MARCHF3: variants seen among roughly 807,000 people sequenced by gnomAD.
The protein encoded by MARCHF3 is membrane associated ring-CH-type finger 3.
MARCHF3 carries 13 observed loss-of-function variants against 24.2 expected under a neutral mutation model. The observed-to-expected ratio is 0.54, with a 90% CI of 0.35 to 0.85. The LOEUF (loss-of-function observed/expected upper bound fraction) is 0.85. Among genes scored for constraint, MARCHF3 ranks in the 40% least tolerant of loss-of-function variants. The pLI is 0.01. For synonymous variants in MARCHF3, 144 were observed against 137.3 expected, an observed-to-expected ratio of 1.05 and a Z score of -0.34; for missense variants, 276 against 325.0, an observed-to-expected ratio of 0.85 and a Z score of 1.16.
intron 1 of MARCHF3, among the ~76,000 whole-genome samples, chr5:126,933,264 G>T (rs1251196572): frequency 6.6e-6 from 1 of 152,102 alleles, no homozygotes; most frequent in Non-Finnish European, 1.5e-5. Flanking sequence ...CAGTAGCGGA[G>T]AAAATACAAC....
At chr5:126,946,917 A>C (rs1299619035) in intron 1 of MARCHF3, among the ~76,000 whole-genome samples, 1 of 152,140 alleles carries the variant, frequency 6.6e-6, no homozygotes, top group Non-Finnish European at 1.5e-5. Flanking sequence ...CACATGAAGG[A>C]ACTGAGTATG....
At chr5:127,013,249 T>C (rs1936629769) in intron 1 of MARCHF3, among the ~76,000 whole-genome samples, 1 of 152,196 alleles carries the variant, frequency 6.6e-6, no homozygotes, top group African/African-American at 2.4e-5. Context: ...TTACTGCTTT[T>C]GCTATACATT....
At chr5:127,014,984 C>T (rs1752590716) in intron 1 of MARCHF3, among the ~76,000 whole-genome samples, 1 of 152,020 alleles carries the variant, frequency 6.6e-6, no homozygotes, top group African/African-American at 2.4e-5. Context: ...ATTAAATGTT[C>T]CCAACACAAA....
chr5:126,908,163 G>T (rs1231058663), intron 3 of MARCHF3, among the ~76,000 whole-genome samples: 1 of 152,094 alleles, frequency 6.6e-6, no homozygotes, highest in East Asian at 1.9e-4. Flanking sequence ...CCCTCTTCTG[G>T]CTTGTAGAGT....
At chr5:126,984,044 G>A (rs1045831466) in intron 1 of MARCHF3, among the ~76,000 whole-genome samples, 9 of 152,066 alleles carry the variant, frequency 5.9e-5, no homozygotes, top group African/African-American at 2.2e-4. Flanking sequence ...GGACTGGGGT[G>A]GGGGGATATT....
At chr5:127,014,723 T>C (rs949062823) in intron 1 of MARCHF3, among the ~76,000 whole-genome samples, 3 of 152,108 alleles carry the variant, frequency 2.0e-5, no homozygotes, top group Non-Finnish European at 1.5e-5. Context: ...CTAAACACCA[T>C]ATGTTCTCAC....
chr5:126,872,591 T>C (rs1418395190), intron 4 of MARCHF3, among the ~76,000 whole-genome samples: 1 of 152,010 alleles, frequency 6.6e-6, no homozygotes, highest in Non-Finnish European at 1.5e-5. Context: ...AGGTCTATGG[T>C]GGTCAGAAAG....
chr5:126,943,583 CA>C (rs563692073), intron 1 of MARCHF3, among the ~76,000 whole-genome samples: 3,092 of 124,762 alleles, frequency 0.025, 29 homozygotes, highest in Non-Finnish European at 0.035. Context: ...ATCTCATCTC[CA>C]AAAAAAAAAA....
chr5:126,885,909 T>G (rs1753496160), intron 3 of MARCHF3, among the ~76,000 whole-genome samples: 1 of 152,004 alleles, frequency 6.6e-6, no homozygotes, highest in South Asian at 2.1e-4. Context: ...GAACATCTAT[T>G]TTTCCATAGG....
intron 1 of MARCHF3, among the ~76,000 whole-genome samples, chr5:126,920,183 T>G (rs936450547): frequency 1.3e-5 from 2 of 152,206 alleles, no homozygotes; most frequent in Non-Finnish European, 2.9e-5. Flanking sequence ...CTTTTTATTT[T>G]TTTGAAAGGG....
At chr5:126,950,802 A>G (rs1561442903) in intron 1 of MARCHF3, among the ~76,000 whole-genome samples, 1 of 152,174 alleles carries the variant, frequency 6.6e-6, no homozygotes, top group Non-Finnish European at 1.5e-5. Flanking sequence ...TTCTCCCCTT[A>G]CAGCAAATCT....
At chr5:126,981,850 T>C (rs1453778107) in intron 1 of MARCHF3, among the ~76,000 whole-genome samples, 1 of 152,240 alleles carries the variant, frequency 6.6e-6, no homozygotes, top group Non-Finnish European at 1.5e-5. Flanking sequence ...CTGCCAGGCA[T>C]GCTCTTTTTA....
intron 3 of MARCHF3, among the ~76,000 whole-genome samples, chr5:126,894,611 T>G (rs940826963): frequency 6.6e-6 from 1 of 152,022 alleles, no homozygotes; most frequent in African/African-American, 2.4e-5. Flanking sequence ...TGTTGAATAT[T>G]GGCCCCCACT....
chr5:126,942,402 T>A lies in MARCHF3; in HGVS notation c.-56-24175A>T, dbSNP rs1487885375. Among the ~76,000 whole-genome samples the A allele has an allele frequency of 3.3e-5, 5 of 152,172 alleles. No individual in the cohort carries two copies. In the South Asian group the frequency reaches 1.0e-3, roughly 32 times the overall value. ...TTAATAAAACTTAAATTTTGGATAT[T>A]AAAATTCAAATTTCATGTAATTCTT... On this transcript the variant is annotated intron_variant, in intron 1 of 4. Transcript: ENST00000308660.
In MARCHF3 at chr5:126,908,867, C is replaced by A. The variant is rs565934105; in HGVS notation, c.393+6063G>T. Among the ~76,000 whole-genome samples the A allele has an allele frequency of 1.6e-4, 25 of 152,276 alleles. No homozygotes were observed. In the East Asian group the frequency reaches 3.1e-3, roughly 19 times the overall value. On this transcript the variant is annotated intron_variant, in intron 3 of 4. Transcript: ENST00000308660. ...AGCTTTGTTCTGTTGCTGGTGAGGA[C>A]CTGCGTTCCTTTGGAGGAGGAGAGG...
intron 1 of MARCHF3, among the ~76,000 whole-genome samples, chr5:126,933,508 G>A (rs889977867): frequency 1.0e-4 from 15 of 150,296 alleles, no homozygotes; most frequent in African/African-American, 1.5e-4. Flanking sequence ...GCAGTGGTGC[G>A]ATCTCGGCTC....
intron 1 of MARCHF3, among the ~76,000 whole-genome samples, chr5:126,977,655 T>C (rs967374547): frequency 6.6e-6 from 1 of 152,208 alleles, no homozygotes. Context: ...CAGAAATTTA[T>C]CCTACAGTCA....
chr5:126,916,692 G>GACAGACAGACACACACAC (rs750408549), intron 2 of MARCHF3, among the ~76,000 whole-genome samples: 1 of 130,482 alleles, frequency 7.7e-6, no homozygotes, highest in African/African-American at 3.2e-5. Flanking sequence ...CAGACAGACA[G>GACAGACAGACACACACAC]ACACACACAC....
chr5:126,944,768 C>A (rs1434684245), intron 1 of MARCHF3, among the ~76,000 whole-genome samples: 2 of 152,122 alleles, frequency 1.3e-5, no homozygotes, highest in Non-Finnish European at 2.9e-5. Flanking sequence ...TCTAGGACAT[C>A]CAGTTTCTTA....
Sources: allele counts gnomAD v4.1 joint callset (sites outside exome capture counted in the v4.1 genomes callset), GRCh38; gene constraint gnomAD v4.1.1; transcripts MANE v1.5; gene names NCBI Gene and HGNC (gene_info 2026-07-23, HGNC 2026-07-21).